The following UNC80 variants were observed in gnomAD, a reference collection of about 807,000 sequenced individuals.
UNC80 encodes the protein unc-80 subunit of NALCN channel complex.
UNC80 carries 164 observed loss-of-function variants against 384.6 expected under a neutral mutation model. The ratio of observed to expected loss-of-function variants is 0.43; its 90% CI spans 0.38 to 0.49. The LOEUF is 0.49. UNC80 is among the 20% of genes least tolerant of loss of function. The pLI is 0.00. For synonymous variants in UNC80, 1,486 were observed against 1,527.8 expected (o/e 0.97, Z 0.64); for missense variants, 3,330 against 4,143.0 (o/e 0.80, Z 5.39).
Position 209,954,479 on chromosome 2 carries a change from A to G in UNC80, c.7457+209A>G, listed in dbSNP as rs1575130542. On this transcript the variant is annotated intron_variant, in intron 48 of 64. Transcript: ENST00000673920. ...GTTAAGCATTCTGATTAGTAGTAGT[A>G]TAATAATAGTAATAATATTCTTACT... 1.1e-5 allele frequency: 4 copies of G among 380,046 alleles called. 1 individual carries two copies. In the South Asian group the frequency reaches 3.2e-4, roughly 31 times the overall value. 23.5% of individuals were successfully genotyped at this position (380,046 alleles called of 1,614,324 possible).
Position 209,939,624 on chromosome 2 carries a change from T to C in UNC80, c.6618T>C (p.Ala2206=). Residue 2206 remains alanine, a synonymous_variant, in exon 43 of 65, where the codon GCT becomes GCC. Transcript: ENST00000673920. ...CATTCCCTCGTAGTGCTATTGATGC[T>C]GAGTTTTCACTCTTCAGTGATCCTC... ...LPSFPRSAID[A]EFSLFSDPQA... is the part of the protein sequence containing the mutation. The C allele has an allele frequency of 1.3e-6, 2 of 1,551,278 alleles. No individual in the cohort carries two copies. Among genetic ancestry groups the C allele is most frequent in the South Asian group, 1.2e-5 (1 of 83,896 alleles).
chr2:209,861,044 T>C (rs755283159), intron 22 of UNC80, among the ~76,000 whole-genome samples: 11 of 152,236 alleles, frequency 7.2e-5, no homozygotes, highest in Admixed American at 1.3e-4. Context: ...CCTTATTTCT[T>C]TATTTGCCTG....
At chr2:209,987,671 A>G (rs1260573884) in intron 61 of UNC80, among the ~76,000 whole-genome samples, 2 of 152,200 alleles carry the variant, frequency 1.3e-5, no homozygotes, top group South Asian at 2.1e-4. Context: ...AGTCAACTCT[A>G]ATTTTTTTTT....
At chr2:209,807,305 G>A (rs1005678306) in intron 7 of UNC80, among the ~76,000 whole-genome samples, 5 of 151,276 alleles carry the variant, frequency 3.3e-5, no homozygotes, top group African/African-American at 1.2e-4. Flanking sequence ...TAGATTCAGA[G>A]GATATTAGAG....
intron 51 of UNC80, among the ~76,000 whole-genome samples, chr2:209,967,043 A>AG (rs111917035): frequency 0.032 from 4,922 of 152,250 alleles, 164 homozygotes; most frequent in South Asian, 0.14. Flanking sequence ...CATTAAAGTT[A>AG]GTTCTCTTTT....
chr2:209,895,722 G>A (rs1466430328), intron 27 of UNC80, among the ~76,000 whole-genome samples: 1 of 152,172 alleles, frequency 6.6e-6, no homozygotes, highest in African/African-American at 2.4e-5. Context: ...TACCAAGTAG[G>A]GAATTCTTGA....
intron 9 of UNC80, among the ~76,000 whole-genome samples, chr2:209,816,276 A>G (rs1023156564): frequency 1.3e-5 from 2 of 152,234 alleles, no homozygotes; most frequent in African/African-American, 2.4e-5. Context: ...AGGAATTGTT[A>G]TATTTTAAAA....
At chr2:209,921,389 C>A in intron 33 of UNC80, 111 bp from the exon 34 acceptor site, 3 of 1,110,712 alleles carry the variant, frequency 2.7e-6, no homozygotes, top group Non-Finnish European at 2.5e-6. Flanking sequence ...GGTATCCTAA[C>A]ATTTCCTGAG....
intron 7 of UNC80, among the ~76,000 whole-genome samples, chr2:209,794,445 A>G (rs1393600165): frequency 6.6e-6 from 1 of 152,200 alleles, no homozygotes. Flanking sequence ...GACTATCTGT[A>G]TATCCCTACT....
chr2:209,876,310 G>A (rs924423470), intron 23 of UNC80, among the ~76,000 whole-genome samples: 2 of 152,062 alleles, frequency 1.3e-5, no homozygotes, highest in Admixed American at 6.6e-5. Context: ...TTAAACAAAG[G>A]TACTAGTGTA....
intron 50 of UNC80, 28 bp downstream of exon 50, chr2:209,959,182 AC>A: frequency 6.4e-7 from 1 of 1,550,968 alleles, no homozygotes; most frequent in Non-Finnish European, 8.7e-7. Flanking sequence ...CTAATTTCAT[AC>A]CAGTTCTGAC....
In UNC80 at chr2:209,839,445, G is replaced by A; in HGVS notation, c.3250+15G>A. 1 of 1,551,632 alleles carries A rather than the reference G, an allele frequency of 6.4e-7. No individual in the cohort carries two copies. Among genetic ancestry groups the A allele is most frequent in the Non-Finnish European group, 8.7e-7 (1 of 1,146,902 alleles). ...ACTCCCCATAGGTAAAAGTATGTCT[G>A]TATTTGTTTATGGATTATCTTATTA... On this transcript the variant is annotated intron_variant, in intron 19 of 64. Transcript: ENST00000673920. The surrounding 1 kb of genome is among the most constrained non-coding windows in gnomAD (Gnocchi z 4.1).
chr2:209,982,539 C>A, intron 60 of UNC80: 1 of 433,058 alleles, frequency 2.3e-6, no homozygotes, highest in Non-Finnish European at 3.8e-6. Context: ...CAAGTATTGT[C>A]TCTCCTTAAA....
chr2:209,935,735 A>G lies in UNC80; in HGVS notation c.6200A>G (p.His2067Arg), dbSNP rs2091201031. Residue 2067 changes from histidine to arginine, a missense_variant, in exon 40 of 65, where the codon CAT becomes CGT. This residue lies in a region of UNC80 where 1,049 missense variants were observed against 1,488.6 expected (regional missense o/e 0.70). Coordinates refer to ENST00000673920, the MANE Select transcript of UNC80 (RefSeq NM_001371986.1). ...SMPGTKTLVV[H>R]GQNECDIPTQ... is the part of the protein sequence containing the mutation. ...GTAGGTACTAAAACCTTGGTAGTTC[A>G]TGGACAGAATGAGTGCGATATCCCA... The G allele has an allele frequency of 5.2e-6, 8 of 1,533,388 alleles. No individual in the cohort carries two copies. The highest frequency in any genetic ancestry group is 2.5e-5 in the East Asian group (1 of 39,470). 95.0% of individuals were successfully genotyped at this position (1,533,388 alleles called of 1,614,324 possible).
chr2:209,902,259 A>G (rs185969147), intron 28 of UNC80, among the ~76,000 whole-genome samples: 52 of 152,352 alleles, frequency 3.4e-4, no homozygotes, highest in Non-Finnish European at 6.0e-4. Context: ...CAATCTTATG[A>G]TAAAACTTGA....
chr2:209,850,554 G>A (rs2082456038), intron 22 of UNC80, among the ~76,000 whole-genome samples: 1 of 152,058 alleles, frequency 6.6e-6, no homozygotes, highest in East Asian at 1.9e-4. Context: ...TGTGACATTT[G>A]CAGCTTTTGC....
At chr2:209,950,860 A>ATT (rs34495564) in intron 47 of UNC80, among the ~76,000 whole-genome samples, 10 of 148,242 alleles carry the variant, frequency 6.7e-5, no homozygotes, top group South Asian at 4.2e-4. Context: ...ACCCAGCTGG[A>ATT]TTTTTTTTTT....
rs1435533814 is a variant in UNC80, at chr2:209,917,772, T to C, written c.5030-5T>C. The C allele has an allele frequency of 6.4e-7, 1 of 1,550,930 alleles. No individual in the cohort carries two copies. The highest frequency in any genetic ancestry group is 2.5e-5 in the East Asian group (1 of 40,088). On this transcript the variant is annotated splice_polypyrimidine_tract_variant and splice_region_variant and intron_variant, in intron 31 of 64. Transcript: ENST00000673920. ...CATAGCTGATGAATTGTTGACTGTC[T>C]CTAGCTGCCATGTTCCTGCTGTGTG...
intron 11 of UNC80, among the ~76,000 whole-genome samples, chr2:209,818,615 T>G (rs1055378218): frequency 2.0e-5 from 3 of 152,208 alleles, no homozygotes; most frequent in African/African-American, 4.8e-5. Flanking sequence ...TGTTTGTTGT[T>G]CCTTAATATA....
Sources: allele counts gnomAD v4.1 joint callset (sites outside exome capture counted in the v4.1 genomes callset), GRCh38; gene constraint gnomAD v4.1.1; regional missense constraint gnomAD v4.1.1; non-coding constraint Gnocchi (gnomAD v3.1); transcripts MANE v1.5; gene names NCBI Gene and HGNC (gene_info 2026-07-23, HGNC 2026-07-21).